ME1: variants seen among roughly 807,000 people sequenced by gnomAD.
ME1 encodes the protein malic enzyme 1, also known as NADP-dependent malic enzyme.
Under a neutral mutation model 66.4 loss-of-function variants are expected in ME1, and 74 were observed. The observed-to-expected ratio is 1.11, with a 90% CI of 0.92 to 1.35. The LOEUF (loss-of-function observed/expected upper bound fraction) is 1.35. ME1 is among the 40% of genes most tolerant of loss of function. The pLI, the probability that ME1 is intolerant of heterozygous loss-of-function variation, is 0.00. For synonymous variants in ME1, 251 were observed against 235.6 expected (o/e 1.07, Z -0.60); for missense variants, 750 against 694.1 (o/e 1.08, Z -0.90).
At chr6:83,392,308 C>A (rs1769636824) in intron 3 of ME1, 5 of 515,072 alleles carry the variant, frequency 9.7e-6, no homozygotes, top group South Asian at 7.0e-5. Flanking sequence ...ACAACACTGT[C>A]TACATGTTCC....
intron 6 of ME1, among the ~76,000 whole-genome samples, chr6:83,256,600 T>G (rs1583343441): frequency 1.3e-5 from 2 of 152,116 alleles, no homozygotes; most frequent in Non-Finnish European, 2.9e-5. Context: ...ATGGGAGTGT[T>G]AATTAGTTCA....
chr6:83,264,056 AC>A (rs986599936), intron 6 of ME1, among the ~76,000 whole-genome samples: 3 of 152,148 alleles, frequency 2.0e-5, no homozygotes, highest in African/African-American at 7.2e-5. Flanking sequence ...ATAGGCTGAC[AC>A]CCTTGTTAAG....
At position 83,310,374 on chromosome 6, in the gene ME1, T is replaced by C. The variant is rs116113827; in HGVS notation, c.704+4936A>G. Among the ~76,000 whole-genome samples the C allele has an allele frequency of 6.3e-3, 953 of 152,302 alleles. 11 individuals are homozygous for C. The highest frequency in any genetic ancestry group is 0.022 in the African/African-American group (904 of 41,570). ...TCATGGTGCCTGCAGGCAGCTCAAC[T>C]TCTCCTTCTGCCCATTCCTGCTTCC... On this transcript the variant is annotated intron_variant, in intron 6 of 13. Coordinates refer to ENST00000369705, the MANE Select transcript of ME1 (RefSeq NM_002395.6).
chr6:83,301,407 A>G (rs1767718388), intron 6 of ME1, among the ~76,000 whole-genome samples: 1 of 151,238 alleles, frequency 6.6e-6, no homozygotes, highest in African/African-American at 2.4e-5. Context: ...CAGTGGCACA[A>G]TCTTGGCTCA....
intron 1 of ME1, among the ~76,000 whole-genome samples, chr6:83,429,613 T>C (rs1770443116): frequency 6.6e-6 from 1 of 152,212 alleles, no homozygotes; most frequent in Non-Finnish European, 1.5e-5. Context: ...AGAAATAAGT[T>C]GGAATTATTT....
intron 6 of ME1, among the ~76,000 whole-genome samples, chr6:83,291,013 C>T (rs1265589877): frequency 6.6e-6 from 1 of 152,038 alleles, no homozygotes; most frequent in Non-Finnish European, 1.5e-5. Context: ...TGATGTGTGT[C>T]TCTGCACGTG....
intron 6 of ME1, among the ~76,000 whole-genome samples, chr6:83,293,623 G>T (rs542409070): frequency 6.6e-6 from 1 of 152,230 alleles, no homozygotes; most frequent in East Asian, 1.9e-4. Context: ...GAATAGAATA[G>T]AAATGAATTT....
At chr6:83,279,915 A>G (rs142336190) in intron 6 of ME1, among the ~76,000 whole-genome samples, 2 of 152,310 alleles carry the variant, frequency 1.3e-5, no homozygotes, top group African/African-American at 2.4e-5. Flanking sequence ...ACGAATAAGG[A>G]TTACATGAAA....
chr6:83,297,197 C>G (rs1000786048), intron 6 of ME1, among the ~76,000 whole-genome samples: 2 of 152,002 alleles, frequency 1.3e-5, no homozygotes, highest in East Asian at 1.9e-4. Context: ...GAACTCAATC[C>G]CATTCACAAT....
At position 83,425,098 on chromosome 6, in the gene ME1, C is replaced by T. The variant is rs184444769; in HGVS notation, c.78+5779G>A. On this transcript the variant is annotated intron_variant, in intron 1 of 13. Transcript: ENST00000369705. The stretch of plus-strand genomic sequence containing the variant: ...GTGTGATCATGGCTCACTGTGGCCT[C>T]CCACCTCAGCCACTCAAGTAGCTGA... Among the ~76,000 whole-genome samples the T allele has an allele frequency of 8.0e-3, 1,213 of 152,224 alleles. 12 individuals carry two copies. Among genetic ancestry groups the T allele is most frequent in the Non-Finnish European group, 0.012 (825 of 68,006 alleles).
intron 4 of ME1, among the ~76,000 whole-genome samples, chr6:83,348,795 C>T (rs1270381018): frequency 1.3e-5 from 2 of 151,524 alleles, no homozygotes; most frequent in Non-Finnish European, 2.9e-5. Context: ...CAAGACCAGC[C>T]TGACCAACAT....
At chr6:83,279,567 G>A (rs536636914) in intron 6 of ME1, among the ~76,000 whole-genome samples, 19 of 152,052 alleles carry the variant, frequency 1.2e-4, no homozygotes, top group African/African-American at 2.2e-4. Context: ...TCAAAGAAAC[G>A]TCAACAGAAA....
chr6:83,284,684 T>C (rs1454171056), intron 6 of ME1, among the ~76,000 whole-genome samples: 1 of 152,132 alleles, frequency 6.6e-6, no homozygotes, highest in Non-Finnish European at 1.5e-5. Flanking sequence ...AAACTAGGCA[T>C]AGAATGAACA....
chr6:83,325,026 G>C (rs1775783), intron 5 of ME1, among the ~76,000 whole-genome samples: 49,601 of 151,814 alleles, frequency 0.33, 8,447 homozygotes, highest in Middle Eastern at 0.49. Context: ...ATGATCAAGT[G>C]GGCTTCATCC....
At chr6:83,358,432 A>T (rs1768943040) in intron 3 of ME1, among the ~76,000 whole-genome samples, 1 of 152,182 alleles carries the variant, frequency 6.6e-6, no homozygotes, top group Non-Finnish European at 1.5e-5. Context: ...CTTCAGAAGC[A>T]TATACTGAGC....
chr6:83,423,606 T>G (rs993984524), intron 1 of ME1, among the ~76,000 whole-genome samples: 1 of 151,548 alleles, frequency 6.6e-6, no homozygotes, highest in East Asian at 1.9e-4. Flanking sequence ...TGACACTAGA[T>G]GGGGTAACAT....
chr6:83,425,394 A>G (rs920837531), intron 1 of ME1, among the ~76,000 whole-genome samples: 4 of 152,198 alleles, frequency 2.6e-5, no homozygotes, highest in Admixed American at 2.0e-4. Flanking sequence ...GAAATTTATA[A>G]AGAAAGATGC....
In ME1 at chr6:83,346,159, C is replaced by T. The variant is rs757734232; in HGVS notation, c.600+14G>A. The T allele has an allele frequency of 2.1e-5, 34 of 1,587,944 alleles. No homozygotes were observed. Among genetic ancestry groups the T allele is most frequent in the Non-Finnish European group, 2.6e-5 (30 of 1,164,122 alleles). The stretch of plus-strand genomic sequence containing the variant: ...TAAAGGTACATAGCTGCCTTATAGA[C>T]GTAAATTATTTACCTCATTTTCGGT... On this transcript the variant is annotated intron_variant, in intron 5 of 13. Coordinates refer to ENST00000369705, the MANE Select transcript of ME1 (RefSeq NM_002395.6).
chr6:83,222,401 G>A (rs960593143), intron 12 of ME1, among the ~76,000 whole-genome samples: 1 of 152,120 alleles, frequency 6.6e-6, no homozygotes, highest in African/African-American at 2.4e-5. Context: ...AGTAACATAA[G>A]AATCTTTGTC....
Sources: gnomAD v4.1 joint callset for allele counts (sites outside exome capture counted in the v4.1 genomes callset) on GRCh38, gnomAD v4.1.1 for gene constraint, MANE v1.5 for transcripts, NCBI Gene and HGNC (gene_info 2026-07-23, HGNC 2026-07-21) for gene names.